ADCY5: variants seen among roughly 807,000 people sequenced by gnomAD.
ADCY5 encodes the protein adenylate cyclase 5.
In ADCY5, 30 loss-of-function variants were observed where a neutral mutation model predicts 119.7. The ratio of observed to expected loss-of-function variants is 0.25; its 90% CI spans 0.19 to 0.34. ADCY5 has a LOEUF of 0.34. ADCY5 is among the 10% of genes least tolerant of loss of function. The pLI is 1.00. For missense variants in ADCY5, 1,324 were observed against 1,775.2 expected (o/e 0.75, Z 4.57); for synonymous variants, 753 against 762.2 (o/e 0.99, Z 0.20).
chr3:123,302,010 T>C (rs1189968773), intron 14 of ADCY5, among the ~76,000 whole-genome samples: 1 of 152,186 alleles, frequency 6.6e-6, no homozygotes, highest in Non-Finnish European at 1.5e-5. Context: ...TCTGTACATC[T>C]GAGAGCCAGA....
chr3:123,329,257 C>T (rs1448071741), intron 5 of ADCY5, among the ~76,000 whole-genome samples: 1 of 152,196 alleles, frequency 6.6e-6, no homozygotes, highest in Non-Finnish European at 1.5e-5. Flanking sequence ...ATCCACACTG[C>T]TGCTTCCAAG....
chr3:123,446,647 C>G (rs1945820371), intron 1 of ADCY5, among the ~76,000 whole-genome samples: 1 of 152,204 alleles, frequency 6.6e-6, no homozygotes, highest in Admixed American at 6.5e-5. Context: ...ACCTGCAGTT[C>G]TAGACTCACC....
chr3:123,366,957 T>C (rs1225574525), intron 1 of ADCY5, among the ~76,000 whole-genome samples: 2 of 152,328 alleles, frequency 1.3e-5, no homozygotes, highest in African/African-American at 4.8e-5. Flanking sequence ...CCTCTCTAAA[T>C]GGAGATGCTA....
chr3:123,317,063 G>T (rs1349287224), intron 11 of ADCY5, among the ~76,000 whole-genome samples: 2 of 152,078 alleles, frequency 1.3e-5, no homozygotes, highest in African/African-American at 4.8e-5. Flanking sequence ...ATGTATAGGT[G>T]TGTGTGCATG....
chr3:123,401,175 A>T (rs1944740734), intron 1 of ADCY5, among the ~76,000 whole-genome samples: 2 of 152,112 alleles, frequency 1.3e-5, no homozygotes, highest in Non-Finnish European at 2.9e-5. Flanking sequence ...AATATGCATA[A>T]ATAATTTTGA....
At chr3:123,391,241 T>A (rs913986896) in intron 1 of ADCY5, among the ~76,000 whole-genome samples, 24 of 152,220 alleles carry the variant, frequency 1.6e-4, no homozygotes, top group Admixed American at 1.1e-3. Flanking sequence ...GAAAGGGAGC[T>A]ACATTCTGAG....
intron 1 of ADCY5, among the ~76,000 whole-genome samples, chr3:123,393,349 CA>C (rs993829760): frequency 6.9e-6 from 1 of 144,508 alleles, no homozygotes; most frequent in Non-Finnish European, 1.5e-5. Flanking sequence ...GACAGGAGTT[CA>C]AAACCAGCCT....
intron 12 of ADCY5, among the ~76,000 whole-genome samples, chr3:123,310,103 T>TACACACACAC (rs60966110): frequency 0.015 from 1,791 of 121,186 alleles, 38 homozygotes; most frequent in East Asian, 0.06. Flanking sequence ...GAGAGAGATT[T>TACACACACAC]ACACACACAC....
intron 1 of ADCY5, among the ~76,000 whole-genome samples, chr3:123,396,333 G>A (rs1180997701): frequency 7.9e-6 from 1 of 126,120 alleles, no homozygotes; most frequent in African/African-American, 3.0e-5. Flanking sequence ...GAAAGGAAAA[G>A]AAAAGAGAAG....
chr3:123,356,224 A>G lies in ADCY5; in HGVS notation c.1135-3643T>C, dbSNP rs1184434519. ...GAAGAAAACATAGGGATAAATCTTT[A>G]TAACCTTGGATTAGGCAATAATTTC... On this transcript the variant is annotated intron_variant, in intron 1 of 20. Transcript: ENST00000462833. Among the ~76,000 whole-genome samples, 6 of 152,242 alleles carry G rather than the reference A, an allele frequency of 3.9e-5. No individual in the cohort carries two copies. In the East Asian group the frequency reaches 9.6e-4, roughly 24 times the overall value.
intron 3 of ADCY5, among the ~76,000 whole-genome samples, chr3:123,342,935 G>A (rs1270647395): frequency 3.3e-5 from 5 of 152,178 alleles, no homozygotes; most frequent in African/African-American, 9.7e-5. Flanking sequence ...CCTGCGCTGC[G>A]CGGGGCTGGG....
At chr3:123,294,726 AC>A (rs1311250283) in intron 17 of ADCY5, among the ~76,000 whole-genome samples, 1 of 152,156 alleles carries the variant, frequency 6.6e-6, no homozygotes, top group Non-Finnish European at 1.5e-5. Flanking sequence ...AGTCGGCAAC[AC>A]TGAGAGGGGC....
At position 123,380,803 on chromosome 3, in the gene ADCY5, G is replaced by A. The variant is rs931378955; in HGVS notation, c.1135-28222C>T. Reference sequence around the variant, plus strand: ...TAAACATGTCATCAACATCATTACCGCTGAGAAAGGGATGGACACAGATGG... The same window carrying A: ...TAAACATGTCATCAACATCATTACCACTGAGAAAGGGATGGACACAGATGG... On this transcript the variant is annotated intron_variant, in intron 1 of 20. Coordinates refer to ENST00000462833, the MANE Select transcript of ADCY5 (RefSeq NM_183357.3). Among the ~76,000 whole-genome samples, 6 of 152,332 alleles carry A rather than the reference G, an allele frequency of 3.9e-5. No individual in the cohort carries two copies. In the East Asian group the frequency reaches 5.8e-4, roughly 15 times the overall value.
intron 1 of ADCY5, among the ~76,000 whole-genome samples, chr3:123,389,270 G>A (rs1470302749): frequency 2.0e-5 from 3 of 152,084 alleles, no homozygotes; most frequent in Non-Finnish European, 4.4e-5. Flanking sequence ...GGCTCAGATC[G>A]GCCACTCTGG....
chr3:123,296,530 G>A (rs958580291), intron 16 of ADCY5, among the ~76,000 whole-genome samples: 1 of 152,142 alleles, frequency 6.6e-6, no homozygotes, highest in African/African-American at 2.4e-5. Flanking sequence ...TTTCTAAAAG[G>A]CAGCATGTAC....
At chr3:123,394,492 T>A (rs990009064) in intron 1 of ADCY5, among the ~76,000 whole-genome samples, 1 of 152,212 alleles carries the variant, frequency 6.6e-6, no homozygotes, top group Non-Finnish European at 1.5e-5. Flanking sequence ...AGTGATCATC[T>A]CAGATTGTCA....
At chr3:123,307,318 G>A (rs568560110) in intron 12 of ADCY5, among the ~76,000 whole-genome samples, 49 of 152,190 alleles carry the variant, frequency 3.2e-4, no homozygotes, top group Non-Finnish European at 6.0e-4. Context: ...ATCCTGGGGC[G>A]TTACTCTACA....
chr3:123,393,987 C>A (rs1484905470), intron 1 of ADCY5, among the ~76,000 whole-genome samples: 1 of 152,060 alleles, frequency 6.6e-6, no homozygotes, highest in African/African-American at 2.4e-5. Flanking sequence ...TACACACACA[C>A]AAAATTAGCC....
intron 1 of ADCY5, among the ~76,000 whole-genome samples, chr3:123,367,182 C>T (rs553813566): frequency 3.9e-5 from 6 of 152,302 alleles, no homozygotes; most frequent in African/African-American, 1.2e-4. Flanking sequence ...TGCCAGGCAC[C>T]GGCCCCCACC....
Sources: allele counts gnomAD v4.1 joint callset (sites outside exome capture counted in the v4.1 genomes callset), GRCh38; gene constraint gnomAD v4.1.1; transcripts MANE v1.5; gene names NCBI Gene and HGNC (gene_info 2026-07-23, HGNC 2026-07-21).